Variants in IGSF10 observed in about 807,000 individuals in gnomAD.
IGSF10 encodes the protein calvaria mechanical force protein 608.
A neutral mutation model predicts 128.2 loss-of-function variants in IGSF10; 126 were observed. That is an observed-to-expected ratio of 0.98 (90% CI 0.85 to 1.14). IGSF10 has a LOEUF of 1.14. Ranked by LOEUF, IGSF10 falls within the 50% of genes most tolerant of loss-of-function variation. The pLI is 0.00. For missense variants in IGSF10, 3,295 were observed against 3,149.8 expected (o/e 1.05, Z -1.10); for synonymous variants, 1,185 against 1,146.2 (o/e 1.03, Z -0.68).
chr3:151,432,661 G>C, downstream of IGSF10: 1 of 913,462 alleles, frequency 1.1e-6, no homozygotes, highest in South Asian at 1.5e-5. Context: ...TGTACCTGCA[G>C]CTGGTACTGA....
At chr3:151,590,249 C>A in the IGSF10 span, among the ~76,000 whole-genome samples, 1 of 152,020 alleles carries the variant, frequency 6.6e-6, no homozygotes, top group Non-Finnish European at 1.5e-5. Context: ...CTATATTGCC[C>A]AGGCTGTTCT....
Position 151,437,300 on chromosome 3 carries a change from C to CA in IGSF10, c.7260dup (p.Glu2421Ter). On this transcript the variant is annotated frameshift_variant, in exon 8 of 8. Coordinates refer to ENST00000282466, the MANE Select transcript of IGSF10 (RefSeq NM_178822.5). LOFTEE classifies it low-confidence loss of function (END_TRUNC). ...CCAATTTCTAATATGACTAATTTCT[C>CA]AATATAGCCAACTTTATTCCTAGCT... The CA allele has an allele frequency of 6.2e-7, 1 of 1,614,174 alleles. No homozygotes were observed. The highest frequency in any genetic ancestry group is 8.5e-7 in the Non-Finnish European group (1 of 1,180,018).
At chr3:151,434,529 TC>T (rs1553825017), downstream of IGSF10, 1 of 5,040 alleles carries the variant, frequency 2.0e-4, no homozygotes, top group Non-Finnish European at 5.7e-4. Flanking sequence ...AGAAGATGTA[TC>T]ATCTATCTGT....
chr3:151,550,240 G>A, the IGSF10 span, among the ~76,000 whole-genome samples: 1 of 152,018 alleles, frequency 6.6e-6, no homozygotes, highest in Non-Finnish European at 1.5e-5. Flanking sequence ...ATTCCATTTT[G>A]GCATATCTCC....
intron 7 of IGSF10, among the ~76,000 whole-genome samples, chr3:151,440,392 G>A (rs1265810461): frequency 6.6e-6 from 1 of 151,622 alleles, no homozygotes; most frequent in African/African-American, 2.4e-5. Flanking sequence ...AAATATTAGA[G>A]AAAATTTTTT....
chr3:151,593,269 T>C, the IGSF10 span, among the ~76,000 whole-genome samples: 5 of 152,060 alleles, frequency 3.3e-5, no homozygotes, highest in Admixed American at 6.5e-5. Context: ...CAGACAACCA[T>C]ACCTGGCTAA....
chr3:151,510,362 G>A, the IGSF10 span, among the ~76,000 whole-genome samples: 11 of 152,008 alleles, frequency 7.2e-5, no homozygotes, highest in Non-Finnish European at 1.2e-4. Context: ...CCCAGGCAAA[G>A]AGTGGACCTC....
the IGSF10 span, among the ~76,000 whole-genome samples, chr3:151,602,608 C>T: frequency 5.3e-5 from 8 of 151,966 alleles, no homozygotes; most frequent in Non-Finnish European, 1.0e-4. Flanking sequence ...TCCTTTCCAC[C>T]TCTCACCATC....
chr3:151,619,430 ATGTGTGTGTG>A, the IGSF10 span, among the ~76,000 whole-genome samples: 196 of 144,322 alleles, frequency 1.4e-3, no homozygotes, highest in South Asian at 8.2e-3. Flanking sequence ...ATTACTTTTA[ATGTGTGTGTG>A]TGTGTGTGTG....
At chr3:151,460,860 C>T (rs1167532613) in intron 1 of IGSF10, 86 bp downstream of exon 1, 1 of 935,286 alleles carries the variant, frequency 1.1e-6, no homozygotes, top group Non-Finnish European at 1.3e-6. Flanking sequence ...CTTCTGCAGC[C>T]ACGGTACTCG....
chr3:151,489,971 A>T, the IGSF10 span, among the ~76,000 whole-genome samples: 22 of 152,132 alleles, frequency 1.4e-4, no homozygotes, highest in Non-Finnish European at 2.5e-4. Context: ...AAAGTATAAT[A>T]ACAAAAGATG....
chr3:151,464,478 C>G (rs1722212250), upstream of IGSF10, among the ~76,000 whole-genome samples: 1 of 145,368 alleles, frequency 6.9e-6, no homozygotes, highest in Non-Finnish European at 1.5e-5. Flanking sequence ...TCATCCATAC[C>G]ATCCTTTACA....
the IGSF10 span, among the ~76,000 whole-genome samples, chr3:151,481,756 G>C: frequency 3.3e-3 from 504 of 152,140 alleles, 1 homozygote; most frequent in African/African-American, 0.012. Flanking sequence ...TATGACCCAC[G>C]GAAGACTCAG....
At chr3:151,617,012 A>G in the IGSF10 span, among the ~76,000 whole-genome samples, 2 of 152,180 alleles carry the variant, frequency 1.3e-5, no homozygotes, top group Non-Finnish European at 2.9e-5. Flanking sequence ...CAATGCCTGC[A>G]CTGGTGAGCC....
At chr3:151,501,218 T>C in the IGSF10 span, among the ~76,000 whole-genome samples, 1 of 152,112 alleles carries the variant, frequency 6.6e-6, no homozygotes, top group Non-Finnish European at 1.5e-5. Flanking sequence ...TTTATTTTTC[T>C]TTTTAAGTTT....
the IGSF10 span, among the ~76,000 whole-genome samples, chr3:151,473,772 C>T: frequency 1.3e-5 from 2 of 152,138 alleles, no homozygotes; most frequent in Non-Finnish European, 2.9e-5. Flanking sequence ...TGTGGAGAAT[C>T]TGCATATTCT....
At chr3:151,557,073 C>G in the IGSF10 span, among the ~76,000 whole-genome samples, 1 of 152,122 alleles carries the variant, frequency 6.6e-6, no homozygotes, top group African/African-American at 2.4e-5. Flanking sequence ...TTGGAAAGTT[C>G]AAACATTTCC....
chr3:151,532,018 TAC>T, the IGSF10 span, among the ~76,000 whole-genome samples: 12 of 151,810 alleles, frequency 7.9e-5, no homozygotes, highest in Admixed American at 7.2e-4. Context: ...CCCACAGAAA[TAC>T]AAACTACCAT....
At chr3:151,538,416 C>A in the IGSF10 span, among the ~76,000 whole-genome samples, 1 of 152,116 alleles carries the variant, frequency 6.6e-6, no homozygotes. Context: ...AATTCTCTCT[C>A]ACTTAAATAA....
Sources: gnomAD v4.1 joint callset for allele counts (sites outside exome capture counted in the v4.1 genomes callset) on GRCh38, gnomAD v4.1.1 for gene constraint, MANE v1.5 for transcripts, NCBI Gene and HGNC (gene_info 2026-07-23, HGNC 2026-07-21) for gene names.